ADAMTS16: variants seen among roughly 807,000 people sequenced by gnomAD.
ADAMTS16 encodes the protein ADAM metallopeptidase with thrombospondin type 1 motif 16, also known as A disintegrin and metalloproteinase with thrombospondin motifs 16.
ADAMTS16 carries 94 observed loss-of-function variants against 145.8 expected under a neutral mutation model. The ratio of observed to expected loss-of-function variants is 0.64; its 90% confidence interval spans 0.55 to 0.77. The LOEUF is 0.77. ADAMTS16 is among the 30% of genes least tolerant of loss of function. The pLI is 0.00. For synonymous variants in ADAMTS16, 659 were observed against 604.3 expected, an observed-to-expected ratio of 1.09 and a Z score of -1.33; for missense variants, 1,585 against 1,591.5, an observed-to-expected ratio of 1.00 and a Z score of 0.07.
chr5:5,197,937 A>G (rs1313471833), intron 8 of ADAMTS16, among the ~76,000 whole-genome samples: 1 of 152,166 alleles, frequency 6.6e-6, no homozygotes, highest in Non-Finnish European at 1.5e-5. Flanking sequence ...AATTAGAACT[A>G]TACCACTGCA....
At chr5:5,221,666 C>G (rs1425245255) in intron 10 of ADAMTS16, among the ~76,000 whole-genome samples, 1 of 152,208 alleles carries the variant, frequency 6.6e-6, no homozygotes, top group Non-Finnish European at 1.5e-5. Flanking sequence ...AAATACGAAG[C>G]TGTGTCTTTA....
At chr5:5,167,130 T>G (rs750909327) in intron 3 of ADAMTS16, among the ~76,000 whole-genome samples, 1 of 152,238 alleles carries the variant, frequency 6.6e-6, no homozygotes, top group Non-Finnish European at 1.5e-5. Context: ...GCTTCACATT[T>G]TATGATGACT....
chr5:5,225,629 G>A (rs750712656), intron 11 of ADAMTS16, among the ~76,000 whole-genome samples: 1 of 150,472 alleles, frequency 6.6e-6, no homozygotes, highest in African/African-American at 2.4e-5. Flanking sequence ...GAGGAGCAAA[G>A]GAAGCAGGAA....
chr5:5,239,600 A>G (rs1248571205), intron 15 of ADAMTS16, 81 bp from the exon 16 acceptor site: 3 of 1,561,208 alleles, frequency 1.9e-6, no homozygotes, highest in Non-Finnish European at 2.6e-6. Flanking sequence ...GGTTTTGTTT[A>G]CCGAGGACTG....
chr5:5,238,756 T>C (rs1737194656), intron 14 of ADAMTS16, among the ~76,000 whole-genome samples: 1 of 152,382 alleles, frequency 6.6e-6, no homozygotes, highest in East Asian at 1.9e-4. Flanking sequence ...TCCTTCTCTG[T>C]CATTGCATGA....
chr5:5,198,783 T>A (rs112617218), intron 8 of ADAMTS16, among the ~76,000 whole-genome samples: 8 of 152,346 alleles, frequency 5.3e-5, no homozygotes, highest in African/African-American at 1.9e-4. Context: ...GTACAGATTC[T>A]CTTGACACCT....
At chr5:5,237,821 A>G (rs1737152614) in intron 14 of ADAMTS16, among the ~76,000 whole-genome samples, 1 of 152,160 alleles carries the variant, frequency 6.6e-6, no homozygotes, top group Non-Finnish European at 1.5e-5. Context: ...GTTGGTGGCT[A>G]AAGGAACTTA....
intron 17 of ADAMTS16, among the ~76,000 whole-genome samples, chr5:5,255,716 C>A (rs932853839): frequency 3.3e-5 from 5 of 152,176 alleles, no homozygotes; most frequent in African/African-American, 1.2e-4. Context: ...TTTTTAGAAC[C>A]TGTGATACAG....
At chr5:5,177,145 G>T (rs909997024) in intron 3 of ADAMTS16, among the ~76,000 whole-genome samples, 1 of 152,328 alleles carries the variant, frequency 6.6e-6, no homozygotes. Context: ...AGGAACTGGG[G>T]TTTGCGAGAA....
At chr5:5,211,592 A>T (rs1736272250) in intron 10 of ADAMTS16, among the ~76,000 whole-genome samples, 1 of 152,094 alleles carries the variant, frequency 6.6e-6, no homozygotes, top group South Asian at 2.1e-4. Flanking sequence ...TTCCAAGGCT[A>T]GTATGCCTGT....
intron 3 of ADAMTS16, 118 bp downstream of exon 3, chr5:5,146,573 T>A (rs1734303413): frequency 2.7e-6 from 3 of 1,106,586 alleles, no homozygotes; most frequent in African/African-American, 1.6e-5. Flanking sequence ...CAGCGCAGAT[T>A]AAGCAGGAGG....
intron 9 of ADAMTS16, among the ~76,000 whole-genome samples, chr5:5,203,854 G>T (rs762104766): frequency 6.6e-6 from 1 of 152,104 alleles, no homozygotes; most frequent in Non-Finnish European, 1.5e-5. Context: ...GACCATCATC[G>T]CAGGGAACTT....
chr5:5,148,410 A>G (rs1263831025), intron 3 of ADAMTS16, among the ~76,000 whole-genome samples: 1 of 152,218 alleles, frequency 6.6e-6, no homozygotes, highest in Non-Finnish European at 1.5e-5. Flanking sequence ...ATTCCATTCT[A>G]TCTGTTTAAT....
intron 21 of ADAMTS16, among the ~76,000 whole-genome samples, chr5:5,307,126 G>A (rs34029195): frequency 1.3e-3 from 193 of 152,062 alleles, no homozygotes; most frequent in African/African-American, 4.2e-3. Flanking sequence ...TGATCGGGTC[G>A]CTAGCAGCCT....
chr5:5,223,950 T>C (rs1490131130), intron 11 of ADAMTS16, among the ~76,000 whole-genome samples: 1 of 151,992 alleles, frequency 6.6e-6, no homozygotes, highest in African/African-American at 2.4e-5. Context: ...CATTGTTCTA[T>C]TATGTTTAAA....
chr5:5,159,338 C>G (rs768059558), intron 3 of ADAMTS16, among the ~76,000 whole-genome samples: 2 of 152,186 alleles, frequency 1.3e-5, no homozygotes, highest in African/African-American at 2.4e-5. Flanking sequence ...ATTTATCTTA[C>G]TAACCAGCTA....
At chr5:5,215,781 G>GTA (rs1164651660) in intron 10 of ADAMTS16, among the ~76,000 whole-genome samples, 2 of 44,624 alleles carry the variant, frequency 4.5e-5, no homozygotes, top group Non-Finnish European at 8.0e-5. Context: ...TATATATATG[G>GTA]TATATATATG....
intron 18 of ADAMTS16, among the ~76,000 whole-genome samples, chr5:5,263,847 C>A (rs1012647083): frequency 3.3e-5 from 5 of 152,216 alleles, no homozygotes; most frequent in Non-Finnish European, 5.9e-5. Context: ...GCCAGCCTTT[C>A]TGGTACCCAC....
intron 10 of ADAMTS16, among the ~76,000 whole-genome samples, chr5:5,220,156 CTTTTTTTTTT>C (rs11323873): frequency 8.5e-6 from 1 of 118,242 alleles, no homozygotes; most frequent in Non-Finnish European, 1.7e-5. Context: ...AATAATTTAA[CTTTTTTTTTT>C]TTTTTTTTTT....
Sources: allele counts gnomAD v4.1 joint callset (sites outside exome capture counted in the v4.1 genomes callset), GRCh38; gene constraint gnomAD v4.1.1; transcripts MANE v1.5; gene names NCBI Gene and HGNC (gene_info 2026-07-23, HGNC 2026-07-21).